LMO7: variants seen among roughly 807,000 people sequenced by gnomAD.
LMO7 encodes the protein LIM domain 7, also known as LIM domain only protein 7.
In LMO7, 120 loss-of-function variants were observed where a neutral mutation model predicts 206.5. The observed-to-expected ratio is 0.58, with a 90% confidence interval of 0.50 to 0.68. LMO7 has a LOEUF of 0.68. LMO7 is among the 30% of genes least tolerant of loss of function. The pLI, the probability that LMO7 is intolerant of heterozygous loss-of-function variation, is 0.00. For synonymous variants in LMO7, 706 were observed against 681.5 expected, an observed-to-expected ratio of 1.04 and a Z score of -0.56; for missense variants, 1,959 against 1,957.9, an observed-to-expected ratio of 1.00 and a Z score of -0.01.
intron 1 of LMO7, among the ~76,000 whole-genome samples, chr13:75,684,547 CTTTT>C (rs374482530): frequency 3.1e-5 from 4 of 128,960 alleles, no homozygotes; most frequent in African/African-American, 1.2e-4. Context: ...GCCCGGCCGG[CTTTT>C]TTTTTTTTTT....
chr13:75,816,203 A>G (rs1323570), intron 11 of LMO7, among the ~76,000 whole-genome samples: 11,050 of 152,306 alleles, frequency 0.073, 426 homozygotes, highest in Middle Eastern at 0.11. Flanking sequence ...TAAAAGAAAT[A>G]ATGATGGCAA....
chr13:75,776,223 G>A (rs2050478758), intron 4 of LMO7, among the ~76,000 whole-genome samples: 1 of 106,604 alleles, frequency 9.4e-6, no homozygotes, highest in Non-Finnish European at 2.0e-5. Context: ...GTCGTAGTAA[G>A]TGATTGTGTC....
At chr13:75,723,608 T>TTATATTGAGCTTTA in intron 2 of LMO7, among the ~76,000 whole-genome samples, 1 of 152,136 alleles carries the variant, frequency 6.6e-6, no homozygotes, top group Admixed American at 6.6e-5. Context: ...GAGCCAGACA[T>TTATATTGAGCTTTA]TATATTGAGC....
chr13:75,713,730 CCATT>C (rs1310952447), intron 2 of LMO7, among the ~76,000 whole-genome samples: 5 of 152,074 alleles, frequency 3.3e-5, no homozygotes, highest in African/African-American at 9.7e-5. Flanking sequence ...GAGTTGTGGA[CCATT>C]CATTCAATTA....
At chr13:75,734,902 A>T (rs2138943559) in intron 3 of LMO7, among the ~76,000 whole-genome samples, 1 of 152,296 alleles carries the variant, frequency 6.6e-6, no homozygotes, top group East Asian at 1.9e-4. Context: ...GATGACGACC[A>T]TCCTGGCTAA....
At chr13:75,637,006 G>T (rs2035964938) in intron 1 of LMO7, among the ~76,000 whole-genome samples, 3 of 152,186 alleles carry the variant, frequency 2.0e-5, no homozygotes, top group Non-Finnish European at 4.4e-5. Context: ...GGCATCGCGC[G>T]TCCCGGAGGA....
At chr13:75,793,569 C>T (rs1428477381) in intron 4 of LMO7, among the ~76,000 whole-genome samples, 1 of 152,206 alleles carries the variant, frequency 6.6e-6, no homozygotes, top group Non-Finnish European at 1.5e-5. Flanking sequence ...AGCCATTGCA[C>T]CCGGCCATTG....
In LMO7 at chr13:75,786,443, C is replaced by T. The variant is rs1417748335; in HGVS notation, c.318-8958C>T. 2.7e-5 allele frequency among the ~76,000 whole-genome samples: 4 copies of T among 150,640 alleles called. No homozygotes were observed. The East Asian group carries it at 5.9e-4, about 22-fold the overall frequency. Reference sequence around the variant, plus strand: ...AGGCTGGAGTGCAGTGGCGCAATCTCGGCTCATTGCAAGCTCCACCTCCCA... The same window carrying T: ...AGGCTGGAGTGCAGTGGCGCAATCTTGGCTCATTGCAAGCTCCACCTCCCA... On this transcript the variant is annotated intron_variant, in intron 4 of 30. Coordinates refer to ENST00000377534, the MANE Select transcript of LMO7 (RefSeq NM_001306080.2).
intron 1 of LMO7, among the ~76,000 whole-genome samples, chr13:75,643,344 C>T (rs967924758): frequency 6.6e-6 from 1 of 152,138 alleles, no homozygotes; most frequent in African/African-American, 2.4e-5. Flanking sequence ...ACATATTTGC[C>T]CAATCCTTTT....
At chr13:75,716,823 T>G (rs2138229036) in intron 2 of LMO7, among the ~76,000 whole-genome samples, 1 of 152,220 alleles carries the variant, frequency 6.6e-6, no homozygotes, top group South Asian at 2.1e-4. Context: ...CATAAACAGC[T>G]AATGATATCA....
chr13:75,796,619 A>ATT lies in LMO7; in HGVS notation c.349-5_349-4dup, dbSNP rs11351364. The ATT allele has an allele frequency of 1.5e-4, 197 of 1,298,656 alleles. No homozygotes were observed. Among genetic ancestry groups the ATT allele is most frequent in the African/African-American group, 3.4e-4 (23 of 67,082 alleles). 80.4% of individuals were successfully genotyped at this position (1,298,656 alleles called of 1,614,324 possible). On this transcript the variant is annotated splice_polypyrimidine_tract_variant and intron_variant, in intron 5 of 30. Transcript: ENST00000377534. ...AATCGACTGATCTTGTTGTTCATGG[A>ATT]TTTTTTTTTTTTTAAGGTTTTGATA...
chr13:75,658,117 C>T (rs2038228953), intron 1 of LMO7, among the ~76,000 whole-genome samples: 1 of 151,882 alleles, frequency 6.6e-6, no homozygotes, highest in Admixed American at 6.6e-5. Flanking sequence ...TCTATTCCTT[C>T]CGTCCTTGCT....
Position 75,847,571 on chromosome 13 carries a change from G to A in LMO7, c.4151-1508G>A, listed in dbSNP as rs954603763. On this transcript the variant is annotated intron_variant, in intron 26 of 30. Coordinates refer to ENST00000377534, the MANE Select transcript of LMO7 (RefSeq NM_001306080.2). ...GGTCATGTCAGCCAGAGATATGTGC[G>A]TTTATGTCCTCTCTCCCCAGGGAGA... is the stretch of plus-strand genomic sequence containing the variant. 9.2e-5 allele frequency among the ~76,000 whole-genome samples: 14 copies of A among 152,300 alleles called. No homozygotes were observed. In the East Asian group the frequency reaches 9.6e-4, roughly 10 times the overall value.
chr13:75,709,096 C>T (rs1049587989), intron 1 of LMO7, among the ~76,000 whole-genome samples: 18 of 152,216 alleles, frequency 1.2e-4, no homozygotes, highest in African/African-American at 4.3e-4. Flanking sequence ...TGGTTTCCAG[C>T]TTCATCCATG....
chr13:75,853,118 C>A lies in LMO7; in HGVS notation c.4391C>A (p.Ser1464Tyr). The change falls in exon 28 of 31, where the codon TCC becomes TAC. Residue 1464 changes from serine to tyrosine, a missense_variant. Ser to Tyr is a moderately radical substitution (Grantham distance 144). Transcript: ENST00000377534. ...GGCGAATCTTTAGATAACCTGGACTCCCCCCGATCCAATTCTTGGAGACAG... is the reference window on the plus strand; with the variant it reads ...GGCGAATCTTTAGATAACCTGGACTACCCCCGATCCAATTCTTGGAGACAG... The part of the protein sequence containing the change: ...RRGESLDNLD[S>Y]PRSNSWRQPP... 6.2e-7 allele frequency: 1 copy of A among 1,610,338 alleles called. No homozygotes were observed. The highest frequency in any genetic ancestry group is 1.1e-5 in the South Asian group (1 of 90,738).
intron 2 of LMO7, among the ~76,000 whole-genome samples, chr13:75,726,778 C>T (rs902107738): frequency 6.6e-6 from 1 of 152,046 alleles, no homozygotes; most frequent in Non-Finnish European, 1.5e-5. Flanking sequence ...TGAAGGATGG[C>T]TTTGGATATA....
intron 2 of LMO7, among the ~76,000 whole-genome samples, chr13:75,713,977 A>T (rs963703702): frequency 6.6e-6 from 1 of 152,218 alleles, no homozygotes; most frequent in African/African-American, 2.4e-5. Flanking sequence ...GAAGCGAGCA[A>T]ATAAATTCTA....
intron 4 of LMO7, among the ~76,000 whole-genome samples, chr13:75,790,052 T>A (rs771236486): frequency 6.6e-6 from 1 of 152,170 alleles, no homozygotes; most frequent in Non-Finnish European, 1.5e-5. Flanking sequence ...GCTTTGCCCT[T>A]GGTTTGACCT....
intron 3 of LMO7, among the ~76,000 whole-genome samples, chr13:75,743,934 T>G (rs936562611): frequency 4.6e-5 from 7 of 152,224 alleles, no homozygotes; most frequent in Admixed American, 3.9e-4. Context: ...TAATGTCTAT[T>G]TTACTGGAAC....
Sources: gnomAD v4.1 joint callset for allele counts (sites outside exome capture counted in the v4.1 genomes callset) on GRCh38, gnomAD v4.1.1 for gene constraint, MANE v1.5 for transcripts, NCBI Gene and HGNC (gene_info 2026-07-23, HGNC 2026-07-21) for gene names.